DCBLD1: variants seen among roughly 807,000 people sequenced by gnomAD.
The protein encoded by DCBLD1 is discoidin, CUB and LCCL domain containing 1, also known as discoidin, CUB and LCCL domain-containing protein 1.
Under a neutral mutation model 71.5 loss-of-function variants are expected in DCBLD1, and 57 were observed. The observed-to-expected ratio is 0.80, with a 90% CI of 0.64 to 0.99. The LOEUF (loss-of-function observed/expected upper bound fraction) is 0.99, where lower values mean the gene tolerates loss of function less well. Ranked by LOEUF, DCBLD1 falls within the 50% of genes least tolerant of loss-of-function variation. The pLI is 0.00. For synonymous variants in DCBLD1, 380 were observed against 363.8 expected, an observed-to-expected ratio of 1.04 and a Z score of -0.51; for missense variants, 891 against 923.5, an observed-to-expected ratio of 0.96 and a Z score of 0.46.
intron 1 of DCBLD1, among the ~76,000 whole-genome samples, chr6:117,489,734 A>C (rs907323617): frequency 6.6e-6 from 1 of 152,066 alleles, no homozygotes; most frequent in African/African-American, 2.4e-5. Flanking sequence ...AAATACAAAA[A>C]ATTAGCCGGG....
At chr6:117,563,317 C>G (rs146035577) in intron 14 of DCBLD1, 1 of 1,612,776 alleles carries the variant, frequency 6.2e-7, no homozygotes, top group Non-Finnish European at 8.5e-7. Flanking sequence ...CGTCATCTAG[C>G]GGAGTTTCAC....
intron 9 of DCBLD1, 54 bp downstream of exon 9, chr6:117,539,433 T>TA: frequency 7.9e-6 from 12 of 1,526,472 alleles, no homozygotes; most frequent in Non-Finnish European, 9.6e-6. Flanking sequence ...GGCCTCTATA[T>TA]ATTTTCATCA....
chr6:117,519,734 T>A, intron 2 of DCBLD1, 82 bp from the exon 3 acceptor site: 1 of 1,551,262 alleles, frequency 6.4e-7, no homozygotes, highest in Non-Finnish European at 8.7e-7. Context: ...AAATTTGGCC[T>A]TTCAAGGAAA....
Position 117,519,901 on chromosome 6 carries a change from C to T in DCBLD1, c.411C>T (p.His137=), listed in dbSNP as rs779704664. 3.1e-6 allele frequency: 5 copies of T among 1,614,130 alleles called. No homozygotes were observed. In the Admixed American group the frequency reaches 6.7e-5, roughly 22 times the overall value. Residue 137 remains histidine, a synonymous_variant, in exon 3 of 15, where the codon CAC becomes CAT. Coordinates refer to ENST00000338728, the MANE Select transcript of DCBLD1 (RefSeq NM_001366458.2). ...EVTVRFESGS[H]ISGRGFLLTY... is the part of the protein sequence containing the mutation. ...CCGTCCGCTTTGAGAGTGGATCCCA[C>T]ATTTCTGGCCGGGGTTTTTTGCTGA...
Position 117,545,522 on chromosome 6 carries a change from G to A in DCBLD1, c.1540G>A (p.Ala514Thr). The A allele has an allele frequency of 6.2e-7, 1 of 1,614,144 alleles. No homozygotes were observed. The highest frequency in any genetic ancestry group is 1.3e-5 in the African/African-American group (1 of 75,042). Residue 514 changes from alanine (A) to threonine (T), a missense_variant, in exon 14 of 15, where the codon GCT becomes ACT. Ala to Thr is a moderately conservative substitution (Grantham distance 58). Transcript: ENST00000338728. ...IKYPFARHQS[A>T]EFTISYDNEK... ...ATATCCCTTTGCCAGACATCAGTCA[G>A]CTGAGTTTACCATCAGCTATGATAA...
At chr6:117,506,705 G>A (rs1467853335) in intron 2 of DCBLD1, among the ~76,000 whole-genome samples, 2 of 152,230 alleles carry the variant, frequency 1.3e-5, no homozygotes, top group Non-Finnish European at 2.9e-5. Context: ...TTCCTGGAAG[G>A]GTGGAAGGGT....
downstream of DCBLD1, among the ~76,000 whole-genome samples, chr6:117,551,422 C>G (rs1779426132): frequency 6.6e-6 from 1 of 151,978 alleles, no homozygotes. Flanking sequence ...CTCTGTCACC[C>G]AGGCTGGACT....
intron 4 of DCBLD1, among the ~76,000 whole-genome samples, chr6:117,524,124 C>T (rs1778470285): frequency 1.3e-5 from 2 of 152,120 alleles, no homozygotes; most frequent in Admixed American, 6.6e-5. Flanking sequence ...CACTGACACC[C>T]TTCAGCTGCA....
At chr6:117,504,821 G>A (rs993922825) in intron 2 of DCBLD1, among the ~76,000 whole-genome samples, 7 of 152,204 alleles carry the variant, frequency 4.6e-5, no homozygotes, top group African/African-American at 1.4e-4. Flanking sequence ...ACATTCTTTT[G>A]AGTATAGAGA....
chr6:117,483,998 C>T (rs908249276), intron 1 of DCBLD1, among the ~76,000 whole-genome samples: 2 of 152,084 alleles, frequency 1.3e-5, no homozygotes, highest in Non-Finnish European at 2.9e-5. Flanking sequence ...AAACAAAATC[C>T]CCAAAACCCT....
chr6:117,558,705 G>A (rs933074945), intron 14 of DCBLD1, among the ~76,000 whole-genome samples: 1 of 152,162 alleles, frequency 6.6e-6, no homozygotes, highest in Non-Finnish European at 1.5e-5. Context: ...TAGCAATAAT[G>A]TGTAACAATA....
chr6:117,552,052 G>A (rs796865918), downstream of DCBLD1, among the ~76,000 whole-genome samples: 10 of 152,276 alleles, frequency 6.6e-5, no homozygotes, highest in African/African-American at 2.4e-4. Context: ...CCCAGACGGT[G>A]GAGGTTGCAG....
intron 1 of DCBLD1, among the ~76,000 whole-genome samples, chr6:117,493,266 C>T (rs1236631472): frequency 6.6e-6 from 1 of 152,054 alleles, no homozygotes; most frequent in African/African-American, 2.4e-5. Context: ...GTAGAATTTC[C>T]AGGCCCTGCA....
intron 8 of DCBLD1, 135 bp from the exon 9 acceptor site, chr6:117,539,120 G>A: frequency 1.2e-6 from 1 of 809,168 alleles, no homozygotes; most frequent in Non-Finnish European, 1.9e-6. Flanking sequence ...ATTTTTAAAT[G>A]CAACTAATAT....
rs1172247854 is a variant in DCBLD1, at chr6:117,548,462, T to C, written c.*23T>C. 6.5e-7 allele frequency: 1 copy of C among 1,550,020 alleles called. No individual in the cohort carries two copies. Among genetic ancestry groups the C allele is most frequent in the Admixed American group, 2.0e-5 (1 of 50,988 alleles). On this transcript the variant is annotated 3_prime_UTR_variant, in exon 15 of 15. Transcript: ENST00000338728. ...TGAACACAATGTGAAAGAAGCCTGC[T>C]GTGGTACTGAGCGTCGGGCTGTCAC...
At chr6:117,490,229 A>G (rs1022254738) in intron 1 of DCBLD1, among the ~76,000 whole-genome samples, 4 of 152,238 alleles carry the variant, frequency 2.6e-5, no homozygotes, top group Admixed American at 2.6e-4. Context: ...AAAGAACAAC[A>G]ATAAAACTAA....
chr6:117,488,408 C>G (rs1777163897), intron 1 of DCBLD1, among the ~76,000 whole-genome samples: 2 of 152,272 alleles, frequency 1.3e-5, no homozygotes, highest in African/African-American at 4.8e-5. Flanking sequence ...CTTTGGGAGG[C>G]TGAGGTGGAC....
At chr6:117,555,869 G>A (rs1039545688) in intron 14 of DCBLD1, among the ~76,000 whole-genome samples, 3 of 152,300 alleles carry the variant, frequency 2.0e-5, no homozygotes, top group African/African-American at 7.2e-5. Flanking sequence ...ACTGAAAGCT[G>A]ACAATTTTAT....
In DCBLD1 at chr6:117,498,608, AT is replaced by A. The variant is rs572173241; in HGVS notation, c.113-5152del. Among the ~76,000 whole-genome samples, 472 of 151,966 alleles carry A rather than the reference AT, an allele frequency of 3.1e-3. 4 individuals carry two copies. Among genetic ancestry groups the A allele is most frequent in the African/African-American group, 0.011 (445 of 41,442 alleles). On this transcript the variant is annotated intron_variant, in intron 1 of 14. Transcript: ENST00000338728. Reference sequence around the variant, plus strand: ...AGTTTAATCATAAGATCGTGGTTTTATTTTTTTCCCTTAAAGATGGATCTTT... The same window carrying A: ...AGTTTAATCATAAGATCGTGGTTTTATTTTTTCCCTTAAAGATGGATCTTT...
Sources: allele counts gnomAD v4.1 joint callset (sites outside exome capture counted in the v4.1 genomes callset), GRCh38; gene constraint gnomAD v4.1.1; transcripts MANE v1.5; gene names NCBI Gene and HGNC (gene_info 2026-07-23, HGNC 2026-07-21).